Variants in CNTNAP5 observed in about 807,000 individuals in gnomAD.
The protein encoded by CNTNAP5 is contactin associated protein family member 5, also known as contactin-associated protein-like 5.
CNTNAP5 carries 72 observed loss-of-function variants against 150.2 expected under a neutral mutation model. The ratio of observed to expected loss-of-function variants is 0.48; its 90% confidence interval spans 0.40 to 0.58. The LOEUF is 0.58. CNTNAP5 is among the 20% of genes least tolerant of loss of function. CNTNAP5 has a pLI of 0.00. For missense variants in CNTNAP5, 1,636 were observed against 1,626.2 expected (o/e 1.01, Z -0.10); for synonymous variants, 672 against 619.8 (o/e 1.08, Z -1.25).
chr2:124,911,996 A>G (rs1678666237), intron 23 of CNTNAP5, among the ~76,000 whole-genome samples: 2 of 152,208 alleles, frequency 1.3e-5, no homozygotes, highest in African/African-American at 4.8e-5. Flanking sequence ...AGCCCACAGA[A>G]CTGTAGTTGC....
In CNTNAP5 at chr2:124,872,428, G is replaced by A. The variant is rs555862701; in HGVS notation, c.3436+2666G>A. Reference sequence around the variant, plus strand: ...TGTGTGTGTGTGTGCGTGCATGTGCGTTTGTTCATATTGATTACAATTAAT... The same window carrying A: ...TGTGTGTGTGTGTGCGTGCATGTGCATTTGTTCATATTGATTACAATTAAT... On this transcript the variant is annotated intron_variant, in intron 21 of 23. Transcript: ENST00000682447. Among the ~76,000 whole-genome samples, 40 of 149,298 alleles carry A rather than the reference G, an allele frequency of 2.7e-4. No homozygotes were observed. The South Asian group carries it at 7.2e-3, about 27-fold the overall frequency.
chr2:124,474,651 A>C (rs766285116), intron 6 of CNTNAP5, 88 bp from the exon 7 acceptor site: 1 of 1,141,582 alleles, frequency 8.8e-7, no homozygotes, highest in Non-Finnish European at 1.2e-6. Context: ...CATACAATTG[A>C]ATCTACCAAA....
chr2:124,470,415 G>GTTAT (rs1693482225), intron 6 of CNTNAP5, among the ~76,000 whole-genome samples: 2 of 151,966 alleles, frequency 1.3e-5, no homozygotes, highest in African/African-American at 4.8e-5. Context: ...TTTTTATGGG[G>GTTAT]TTGTTTTTTT....
At chr2:124,423,492 A>G (rs1692161856) in intron 4 of CNTNAP5, among the ~76,000 whole-genome samples, 1 of 151,942 alleles carries the variant, frequency 6.6e-6, no homozygotes, top group South Asian at 2.1e-4. Flanking sequence ...TTCTTTAAAT[A>G]TGGGAAGCTA....
intron 10 of CNTNAP5, among the ~76,000 whole-genome samples, chr2:124,555,276 A>G (rs1258526927): frequency 2.4e-4 from 37 of 152,188 alleles, no homozygotes; most frequent in Non-Finnish European, 1.5e-5. Flanking sequence ...CTGAATTTGG[A>G]AACTTCTGGG....
chr2:124,611,096 C>G (rs1427827984), intron 12 of CNTNAP5, among the ~76,000 whole-genome samples: 1 of 152,088 alleles, frequency 6.6e-6, no homozygotes, highest in African/African-American at 2.4e-5. Context: ...GAAGCAGGAA[C>G]GTAGGGGCCT....
At chr2:124,444,548 T>A (rs1692763573) in intron 5 of CNTNAP5, among the ~76,000 whole-genome samples, 1 of 152,108 alleles carries the variant, frequency 6.6e-6, no homozygotes, top group Non-Finnish European at 1.5e-5. Flanking sequence ...TGAGCCCAGA[T>A]CATGCCACTG....
chr2:124,766,212 A>T (rs1681065789), intron 16 of CNTNAP5, among the ~76,000 whole-genome samples: 1 of 152,102 alleles, frequency 6.6e-6, no homozygotes, highest in Non-Finnish European at 1.5e-5. Context: ...CCTTGTTATT[A>T]CCATGACCAT....
chr2:124,448,724 A>G (rs77335660), intron 6 of CNTNAP5, among the ~76,000 whole-genome samples: 6,550 of 152,256 alleles, frequency 0.043, 178 homozygotes, highest in Non-Finnish European at 0.063. Flanking sequence ...GAAATTTTTC[A>G]AAAAGAATAT....
chr2:124,765,788 G>A (rs995397156), intron 16 of CNTNAP5, among the ~76,000 whole-genome samples: 2 of 151,552 alleles, frequency 1.3e-5, no homozygotes, highest in East Asian at 2.0e-4. Flanking sequence ...AAACCCCGTC[G>A]CCACTAAAAA....
chr2:124,444,315 C>T (rs561542378), intron 5 of CNTNAP5, among the ~76,000 whole-genome samples: 2 of 152,256 alleles, frequency 1.3e-5, no homozygotes, highest in East Asian at 3.9e-4. Flanking sequence ...AATCTGCTGG[C>T]CGGGCGCAGT....
chr2:124,411,345 A>T (rs867075391), intron 3 of CNTNAP5, among the ~76,000 whole-genome samples: 1 of 152,162 alleles, frequency 6.6e-6, no homozygotes, highest in Admixed American at 6.5e-5. Flanking sequence ...TCCAATCAAT[A>T]GAAAAAGAGG....
At chr2:124,369,988 A>G (rs78394111) in intron 3 of CNTNAP5, among the ~76,000 whole-genome samples, 6,770 of 152,242 alleles carry the variant, frequency 0.044, 214 homozygotes, top group Non-Finnish European at 0.07. Context: ...AGGTTGTTGG[A>G]AAAAAACAGA....
chr2:124,133,315 A>C (rs10182240), intron 1 of CNTNAP5, among the ~76,000 whole-genome samples: 20,561 of 152,062 alleles, frequency 0.14, 1,485 homozygotes, highest in Middle Eastern at 0.23. Flanking sequence ...CAAAACAAAA[A>C]AAAAGGTCTA....
chr2:124,788,636 T>C (rs1308366319), intron 17 of CNTNAP5, among the ~76,000 whole-genome samples: 1 of 149,584 alleles, frequency 6.7e-6, no homozygotes, highest in African/African-American at 2.5e-5. Flanking sequence ...AGTCTCGCCC[T>C]GTGGCCCAGG....
At chr2:124,900,429 C>G (rs1321128772) in intron 21 of CNTNAP5, among the ~76,000 whole-genome samples, 4 of 151,388 alleles carry the variant, frequency 2.6e-5, no homozygotes, top group Non-Finnish European at 4.4e-5. Flanking sequence ...AGCATATTTT[C>G]TCCTATCAGG....
intron 21 of CNTNAP5, among the ~76,000 whole-genome samples, chr2:124,900,997 C>T (rs1182932153): frequency 6.6e-6 from 1 of 151,600 alleles, no homozygotes; most frequent in Non-Finnish European, 1.5e-5. Flanking sequence ...TTTTAATGCT[C>T]ATCATACCAA....
chr2:124,623,909 A>G (rs879397272), intron 12 of CNTNAP5, among the ~76,000 whole-genome samples: 2 of 152,348 alleles, frequency 1.3e-5, no homozygotes, highest in Admixed American at 6.5e-5. Context: ...GCTTTCTGTA[A>G]ATGAAGCTTT....
At chr2:124,594,690 T>G (rs1696781716) in intron 11 of CNTNAP5, among the ~76,000 whole-genome samples, 2 of 141,722 alleles carry the variant, frequency 1.4e-5, no homozygotes, top group Admixed American at 1.5e-4. Context: ...ATTGGTAGCT[T>G]GATGGCAATG....
Sources: gnomAD v4.1 joint callset for allele counts (sites outside exome capture counted in the v4.1 genomes callset) on GRCh38, gnomAD v4.1.1 for gene constraint, MANE v1.5 for transcripts, NCBI Gene and HGNC (gene_info 2026-07-23, HGNC 2026-07-21) for gene names.